The following PGP variants were observed in gnomAD, a reference collection of about 807,000 sequenced individuals.
The protein encoded by PGP is phosphoglycolate phosphatase.
Under a neutral mutation model 19.3 loss-of-function variants are expected in PGP, and 9 were observed. The ratio of observed to expected loss-of-function variants is 0.47; its 90% confidence interval spans 0.28 to 0.81. The LOEUF (loss-of-function observed/expected upper bound fraction) is 0.81, where lower values mean the gene tolerates loss of function less well. PGP is among the 40% of genes least tolerant of loss of function. The probability of loss-of-function intolerance (pLI) is 0.11; values close to 1 mark genes in which losing one functional copy is unlikely to be tolerated. For synonymous variants in PGP, 308 were observed against 226.8 expected (o/e 1.36, Z -3.22); for missense variants, 403 against 479.9 (o/e 0.84, Z 1.50).
rs1282481977 is a variant in PGP, at chr16:2,212,206, C to T, written c.*1522G>A. On this transcript the variant is annotated 3_prime_UTR_variant, in exon 2 of 2. Coordinates refer to ENST00000333503, the MANE Select transcript of PGP (RefSeq NM_001042371.3). The stretch of plus-strand genomic sequence containing the variant: ...GCCAAGCCAGCGTCAGTGTCACCAG[C>T]CTCATGGGTGGAGCCACCCTCATGC... 1.0e-6 allele frequency: 1 copy of T among 985,828 alleles called. No individual in the cohort carries two copies. The highest frequency in any genetic ancestry group is 1.2e-6 in the Non-Finnish European group (1 of 830,002). 61.1% of individuals were successfully genotyped at this position (985,828 alleles called of 1,614,324 possible).
At position 2,214,513 on chromosome 16, in the gene PGP, G is replaced by GGCCGCCGAAGCCCAGGC; in HGVS notation, c.248_264dup (p.Pro89AlafsTer97). ...TCCAGGCTGGCGCCGGGCCCCGCGG[G>GGCCGCCGAAGCCCAGGC]GCCGCCGAAGCCCAGGCGCCGCAGC... On this transcript the variant is annotated frameshift_variant, in exon 1 of 2. Transcript: ENST00000333503. LOFTEE classifies it high-confidence loss of function. The surrounding 1 kb of genome is among the most constrained non-coding windows in gnomAD (Gnocchi z 7.1). The GGCCGCCGAAGCCCAGGC allele has an allele frequency of 4.2e-6, 6 of 1,431,040 alleles. No homozygotes were observed. The highest frequency in any genetic ancestry group is 5.5e-6 in the Non-Finnish European group (6 of 1,095,726). 88.6% of individuals were successfully genotyped at this position (1,431,040 alleles called of 1,614,324 possible).
In PGP at chr16:2,212,878, T is replaced by C; in HGVS notation, c.*850A>G. ...ACACAGAGCACAGCTATTAATACAC[T>C]TAAAATTCAAATCCATTGCCTGACA... On this transcript the variant is annotated 3_prime_UTR_variant, in exon 2 of 2. Transcript: ENST00000333503. 8 of 985,400 alleles carry C rather than the reference T, an allele frequency of 8.1e-6. No homozygotes were observed. Among genetic ancestry groups the C allele is most frequent in the Non-Finnish European group, 9.6e-6 (8 of 829,926 alleles). The allele number at this position is 985,400 out of a possible 1,614,324, so 61.0% of individuals were successfully genotyped here.
chr16:2,214,833 G>T lies in PGP; in HGVS notation c.-56C>A, dbSNP rs1187777790. The T allele has an allele frequency of 4.9e-6, 3 of 612,198 alleles. No homozygotes were observed. Among genetic ancestry groups the T allele is most frequent in the Non-Finnish European group, 6.1e-6 (3 of 490,578 alleles). The allele number at this position is 612,198 out of a possible 1,614,324, so 37.9% of individuals were successfully genotyped here. On this transcript the variant is annotated 5_prime_UTR_variant, in exon 1 of 2. Transcript: ENST00000333503. The surrounding 1 kb of genome is among the most constrained non-coding windows in gnomAD (Gnocchi z 7.1). The stretch of plus-strand genomic sequence containing the variant: ...CCGCTCCTCGCAGCCGCCCGCCGCG[G>T]CGCCCTCCCCGCCCCCGGGGCGCTC...
rs764723990 is a variant in PGP at position 2,214,646 on chromosome 16, G to C, written c.132C>G (p.Thr44=). ...DCDGVLWRGE[T]AVPGAPEALR... ...GGGCCTCGGGCGCGCCAGGCACGGC[G>C]GTCTCCCCGCGCCACAGCACGCCGT... Residue 44 remains threonine, a synonymous_variant, in exon 1 of 2, where the codon ACC becomes ACG. Transcript: ENST00000333503. This position sits in a 1 kb window ranked among gnomAD's most constrained non-coding sequence, Gnocchi z 7.1. The C allele has an allele frequency of 2.1e-6, 3 of 1,446,330 alleles. No individual in the cohort carries two copies. Among genetic ancestry groups the C allele is most frequent in the South Asian group, 1.3e-5 (1 of 75,846 alleles). 89.6% of individuals were successfully genotyped at this position (1,446,330 alleles called of 1,614,324 possible).
Position 2,213,784 on chromosome 16 carries a change from C to T in PGP, c.910G>A (p.Val304Ile). ...ATGCTGTCAACATAGAAGTCAGGGACCATTTTCTTCTTAGACACGCAGTCA... is the reference window on the plus strand; with the variant it reads ...ATGCTGTCAACATAGAAGTCAGGGATCATTTTCTTCTTAGACACGCAGTCA... ...ESDCVSKKKMVPDFYVDSIAD... is the reference protein window; with the variant it reads ...ESDCVSKKKMIPDFYVDSIAD... Residue 304 changes from valine to isoleucine, a missense_variant, in exon 2 of 2, where the codon GTC (valine) becomes ATC (isoleucine). Coordinates refer to ENST00000333503, the MANE Select transcript of PGP (RefSeq NM_001042371.3). 1 of 1,596,124 alleles carries T rather than the reference C, an allele frequency of 6.3e-7. No individual in the cohort carries two copies. The highest frequency in any genetic ancestry group is 8.6e-7 in the Non-Finnish European group (1 of 1,166,942).
rs1038777615 is a variant in PGP at position 2,211,988 on chromosome 16, G to A, written c.*1740C>T. ...ATGCAAGGTGAGAGCAAGGACACCT[G>A]AGCCAGTGTGGGTTTGAGAGTTTAA... On this transcript the variant is annotated 3_prime_UTR_variant, in exon 2 of 2. Coordinates refer to ENST00000333503, the MANE Select transcript of PGP (RefSeq NM_001042371.3). 2 of 985,552 alleles carry A rather than the reference G, an allele frequency of 2.0e-6. No homozygotes were observed. Among genetic ancestry groups the A allele is most frequent in the Non-Finnish European group, 2.4e-6 (2 of 829,988 alleles). 61.1% of individuals were successfully genotyped at this position (985,552 alleles called of 1,614,324 possible).
Position 2,214,546 on chromosome 16 carries a change from C to T in PGP, c.232G>A (p.Ala78Thr). ...AAGCCCAGGCGCCGCAGCTTCTCGG[C>T]GTAGGCAGCGCGGGTCTTGCTGCTG... is the stretch of plus-strand genomic sequence containing the variant. ...NNSSKTRAAY[A>T]EKLRRLGFGG... The change falls in exon 1 of 2, where the codon GCC (alanine) becomes ACC (threonine). Residue 78 changes from alanine to threonine, a missense_variant. Ala to Thr is a moderately conservative substitution (Grantham distance 58). Coordinates refer to ENST00000333503, the MANE Select transcript of PGP (RefSeq NM_001042371.3). The surrounding 1 kb of genome is among the most constrained non-coding windows in gnomAD (Gnocchi z 7.1). 6.9e-7 allele frequency: 1 copy of T among 1,458,354 alleles called. No homozygotes were observed. The highest frequency in any genetic ancestry group is 9.0e-7 in the Non-Finnish European group (1 of 1,108,252). 90.3% of individuals were successfully genotyped at this position (1,458,354 alleles called of 1,614,324 possible).
rs2093379573 is a variant in PGP at position 2,213,142 on chromosome 16, G to A, written c.*586C>T. The A allele has an allele frequency of 1.0e-6, 1 of 985,546 alleles. No homozygotes were observed. Among genetic ancestry groups the A allele is most frequent in the Non-Finnish European group, 1.2e-6 (1 of 829,970 alleles). The allele number at this position is 985,546 out of a possible 1,614,324, so 61.1% of individuals were successfully genotyped here. On this transcript the variant is annotated 3_prime_UTR_variant, in exon 2 of 2. Coordinates refer to ENST00000333503, the MANE Select transcript of PGP (RefSeq NM_001042371.3). ...TGACATCAGAGTGGTTTTCAAGGAA[G>A]TAAGGGAGGTGGGAGAGTGGTGAGG...
Position 2,214,785 on chromosome 16 carries a change from C to G in PGP, c.-8G>C, listed in dbSNP as rs1248541388. On this transcript the variant is annotated 5_prime_UTR_variant, in exon 1 of 2. Transcript: ENST00000333503. The surrounding 1 kb of genome is among the most constrained non-coding windows in gnomAD (Gnocchi z 7.1). ...GGCCTCCGCCGCCGCCATCGCCGCC[C>G]GCCGGCCGCCGCCGCCCGCCGGCCG... The G allele has an allele frequency of 2.2e-5, 20 of 924,076 alleles. No individual in the cohort carries two copies. Among genetic ancestry groups the G allele is most frequent in the Non-Finnish European group, 2.5e-5 (19 of 773,982 alleles). The allele number at this position is 924,076 out of a possible 1,614,324, so 57.2% of individuals were successfully genotyped here. A position where few individuals can be genotyped will look rare whatever the true frequency, so the allele number is the denominator to read the frequency against.
Position 2,213,398 on chromosome 16 carries a change from C to T in PGP, c.*330G>A, listed in dbSNP as rs1006256714. 7 of 1,011,558 alleles carry T rather than the reference C, an allele frequency of 6.9e-6. No individual in the cohort carries two copies. Among genetic ancestry groups the T allele is most frequent in the East Asian group, 7.7e-5 (1 of 13,064 alleles). The allele number at this position is 1,011,558 out of a possible 1,614,324, so 62.7% of individuals were successfully genotyped here. On this transcript the variant is annotated 3_prime_UTR_variant, in exon 2 of 2. Coordinates refer to ENST00000333503, the MANE Select transcript of PGP (RefSeq NM_001042371.3). ...TTTCAATAAAATACAGGACACACAC[C>T]CCTAGACCCGCCTCAGTCCCATCGG...
At position 2,214,114 on chromosome 16, in the gene PGP, C is replaced by T; in HGVS notation, c.640+24G>A. The stretch of plus-strand genomic sequence containing the variant: ...AGGGGGCCCGCCGCCCGCCCCCCAG[C>T]CTCCCGCCCCAGGGCGCACGGACCC... On this transcript the variant is annotated intron_variant, in intron 1 of 1. Transcript: ENST00000333503. This position sits in a 1 kb window ranked among gnomAD's most constrained non-coding sequence, Gnocchi z 7.1. The T allele has an allele frequency of 1.3e-6, 2 of 1,543,246 alleles. No individual in the cohort carries two copies. The highest frequency in any genetic ancestry group is 1.7e-6 in the Non-Finnish European group (2 of 1,152,100).
rs2093379989 is a variant in PGP at position 2,213,291 on chromosome 16, G to A, written c.*437C>T. ...CTGGACTTTCAGTCATACTGATGGG[G>A]CTCTGGTCCATGCAAGCCTCTCCCA... On this transcript the variant is annotated 3_prime_UTR_variant, in exon 2 of 2. Coordinates refer to ENST00000333503, the MANE Select transcript of PGP (RefSeq NM_001042371.3). 2.0e-6 allele frequency: 2 copies of A among 987,112 alleles called. No individual in the cohort carries two copies. The highest frequency in any genetic ancestry group is 5.2e-4 in the Middle Eastern group (1 of 1,914). The allele number at this position is 987,112 out of a possible 1,614,324, so 61.1% of individuals were successfully genotyped here.
Position 2,214,426 on chromosome 16 carries a change from C to T in PGP, c.352G>A (p.Ala118Thr), listed in dbSNP as rs1046578499. Residue 118 changes from alanine (A) to threonine (T), a missense_variant, in exon 1 of 2, where the codon GCG becomes ACG. Coordinates refer to ENST00000333503, the MANE Select transcript of PGP (RefSeq NM_001042371.3). The surrounding 1 kb of genome is among the most constrained non-coding windows in gnomAD (Gnocchi z 7.1). Reference protein sequence around the residue: ...YLRQRLAGAPAPKAYVLGSPA... With the variant: ...YLRQRLAGAPTPKAYVLGSPA... Reference sequence around the variant, plus strand: ...CTGCCCAGCACGTAGGCCTTGGGCGCGGGGGCGCCGGCCAGGCGCTGGCGC... The same window carrying T: ...CTGCCCAGCACGTAGGCCTTGGGCGTGGGGGCGCCGGCCAGGCGCTGGCGC... The T allele has an allele frequency of 3.8e-6, 5 of 1,331,306 alleles. No homozygotes were observed. Among genetic ancestry groups the T allele is most frequent in the Non-Finnish European group, 3.8e-6 (4 of 1,050,198 alleles). 82.5% of individuals were successfully genotyped at this position (1,331,306 alleles called of 1,614,324 possible).
Position 2,211,724 on chromosome 16 carries a change from T to A in PGP, c.*2004A>T, listed in dbSNP as rs1438577570. On this transcript the variant is annotated 3_prime_UTR_variant, in exon 2 of 2. Transcript: ENST00000333503. ...TGAGCCACTGCGCCCGGGCCAGCAT[T>A]ACTTCTGAGCTCTGCTCCCTGCCCT... The A allele has an allele frequency of 3.0e-6, 3 of 985,298 alleles. No homozygotes were observed. The highest frequency in any genetic ancestry group is 1.7e-5 in the African/African-American group (1 of 57,218). The allele number at this position is 985,298 out of a possible 1,614,324, so 61.0% of individuals were successfully genotyped here.
chr16:2,212,902 C>A lies in PGP; in HGVS notation c.*826G>T. On this transcript the variant is annotated 3_prime_UTR_variant, in exon 2 of 2. Transcript: ENST00000333503. ...CTTAAAATTCAAATCCATTGCCTGA[C>A]ACAGTTGTTCAAAGTTAAAAACTGG... The A allele has an allele frequency of 2.1e-6, 2 of 974,128 alleles. No individual in the cohort carries two copies. The highest frequency in any genetic ancestry group is 2.4e-6 in the Non-Finnish European group (2 of 826,922). 60.3% of individuals were successfully genotyped at this position (974,128 alleles called of 1,614,324 possible). A position where few individuals can be genotyped will look rare whatever the true frequency, so the allele number is the denominator to read the frequency against.
chr16:2,214,520 G>T lies in PGP; in HGVS notation c.258C>A (p.Phe86Leu), dbSNP rs112784507. The change falls in exon 1 of 2, where the codon TTC becomes TTA. Residue 86 changes from phenylalanine (F) to leucine (L), a missense_variant. Phe to Leu is a conservative substitution (Grantham distance 22). Coordinates refer to ENST00000333503, the MANE Select transcript of PGP (RefSeq NM_001042371.3). This position sits in a 1 kb window ranked among gnomAD's most constrained non-coding sequence, Gnocchi z 7.1. ...AYAEKLRRLG[F>L]GGPAGPGASL... is the part of the protein sequence containing the mutation. ...TGGCGCCGGGCCCCGCGGGGCCGCC[G>T]AAGCCCAGGCGCCGCAGCTTCTCGG... 1 of 1,441,124 alleles carries T rather than the reference G, an allele frequency of 6.9e-7. No individual in the cohort carries two copies. The allele number at this position is 1,441,124 out of a possible 1,614,324, so 89.3% of individuals were successfully genotyped here.
rs1434063057 is a variant in PGP at position 2,212,846 on chromosome 16, G to GC, written c.*881dup. ...ACAGAGGCTCCTTCAGTGGAATTTT[G>GC]CCTACGACACAGAGCACAGCTATTA... On this transcript the variant is annotated 3_prime_UTR_variant, in exon 2 of 2. Transcript: ENST00000333503. The GC allele has an allele frequency of 3.0e-6, 3 of 985,364 alleles. No individual in the cohort carries two copies. The African/African-American group carries it at 5.2e-5, about 17-fold the overall frequency. 61.0% of individuals were successfully genotyped at this position (985,364 alleles called of 1,614,324 possible).
rs1173281823 is a variant in PGP at position 2,214,794 on chromosome 16, C to CT, written c.-18_-17insA. 6.3e-5 allele frequency: 56 copies of CT among 886,642 alleles called. No individual in the cohort carries two copies. In the African/African-American group the frequency reaches 9.7e-4, roughly 15 times the overall value. 54.9% of individuals were successfully genotyped at this position (886,642 alleles called of 1,614,324 possible). A position where few individuals can be genotyped will look rare whatever the true frequency, so the allele number is the denominator to read the frequency against. On this transcript the variant is annotated 5_prime_UTR_variant, in exon 1 of 2. Coordinates refer to ENST00000333503, the MANE Select transcript of PGP (RefSeq NM_001042371.3). The surrounding 1 kb of genome is among the most constrained non-coding windows in gnomAD (Gnocchi z 7.1). ...CGCCGCCATCGCCGCCCGCCGGCCG[C>CT]CGCCGCCCGCCGGCCGCTCCTCGCA...
rs1281950620 is a variant in PGP, at chr16:2,213,720, C to T, written c.*8G>A. The T allele has an allele frequency of 6.6e-7, 1 of 1,509,474 alleles. No homozygotes were observed. Among genetic ancestry groups the T allele is most frequent in the East Asian group, 2.3e-5 (1 of 42,866 alleles). 93.5% of individuals were successfully genotyped at this position (1,509,474 alleles called of 1,614,324 possible). ...TTTTTTATTCTGCAGATTAAAGACA[C>T]TCAATCTTTAACCTTGAAGGGCAGG... is the stretch of plus-strand genomic sequence containing the variant. On this transcript the variant is annotated 3_prime_UTR_variant, in exon 2 of 2. Transcript: ENST00000333503.
Sources: gnomAD v4.1 joint callset for allele counts on GRCh38, gnomAD v4.1.1 for gene constraint, Gnocchi (gnomAD v3.1) non-coding constraint, MANE v1.5 for transcripts, NCBI Gene and HGNC (gene_info 2026-07-23, HGNC 2026-07-21) for gene names.